The following IL1RAPL2 variants were observed in gnomAD, a reference collection of about 807,000 sequenced individuals.
The protein encoded by IL1RAPL2 is interleukin 1 receptor accessory protein like 2.
In IL1RAPL2, 3 loss-of-function variants were observed where a neutral mutation model predicts 44.1. That is an observed-to-expected ratio of 0.07 (90% CI 0.03 to 0.18). IL1RAPL2 has a LOEUF of 0.18. Among genes scored for constraint, IL1RAPL2 ranks in the 10% least tolerant of loss-of-function variants. The pLI, the probability that IL1RAPL2 is intolerant of heterozygous loss-of-function variation, is 1.00. For synonymous variants in IL1RAPL2, 181 were observed against 178.8 expected, an observed-to-expected ratio of 1.01 and a Z score of -0.10; for missense variants, 391 against 496.4, an observed-to-expected ratio of 0.79 and a Z score of 2.02.
rs2035972912 is a variant in IL1RAPL2, at chrX:105,447,366, TA to T, written c.698-36946del. Among the ~76,000 whole-genome samples, 293 of 65,817 alleles carry T rather than the reference TA, an allele frequency of 4.5e-3. 4 individuals are homozygous for T. The highest frequency in any genetic ancestry group is 0.018 in the African/African-American group (273 of 15,016). The allele number at this position is 65,817 out of a possible 115,157, so 57.2% of individuals were successfully genotyped here. On this transcript the variant is annotated intron_variant, in intron 5 of 10. Transcript: ENST00000372582. ...ATATATAAATATATAAATATATAAA[TA>T]TAAATATATAAATATATAAATATAA... is the stretch of plus-strand genomic sequence containing the variant.
At chrX:104,968,777 G>A (rs2030174816) in intron 2 of IL1RAPL2, among the ~76,000 whole-genome samples, 1 of 110,980 alleles carries the variant, frequency 9.0e-6, no homozygotes, top group South Asian at 3.7e-4. Flanking sequence ...AAGATACCTA[G>A]AAATAAATCT....
At chrX:104,791,911 A>AT (rs1029924584) in intron 2 of IL1RAPL2, among the ~76,000 whole-genome samples, 1 of 110,495 alleles carries the variant, frequency 9.1e-6, no homozygotes, top group African/African-American at 3.3e-5. Flanking sequence ...GACCACTCTT[A>AT]TTTTTTATTT....
intron 5 of IL1RAPL2, among the ~76,000 whole-genome samples, chrX:105,306,980 C>T (rs767201923): frequency 2.2e-4 from 24 of 111,180 alleles, no homozygotes; most frequent in South Asian, 3.8e-4. Context: ...ATGTCAGAAG[C>T]GGAAGCAGGC....
At chrX:104,731,210 C>G (rs1230287185) in intron 2 of IL1RAPL2, among the ~76,000 whole-genome samples, 9 of 109,540 alleles carry the variant, frequency 8.2e-5, no homozygotes, top group Non-Finnish European at 1.5e-4. Flanking sequence ...TGTGCAGAAG[C>G]TCTTTAGTTT....
At chrX:105,338,760 T>A (rs1212231662) in intron 5 of IL1RAPL2, among the ~76,000 whole-genome samples, 2 of 111,329 alleles carry the variant, frequency 1.8e-5, no homozygotes, top group Non-Finnish European at 3.8e-5. Context: ...CACCACCTCC[T>A]CCTACAACTG....
chrX:105,090,406 A>G (rs1208189450), intron 2 of IL1RAPL2, among the ~76,000 whole-genome samples: 2 of 112,102 alleles, frequency 1.8e-5, no homozygotes, highest in Non-Finnish European at 3.8e-5. Flanking sequence ...TACAGTTCAA[A>G]CCCATGTTTT....
intron 10 of IL1RAPL2, among the ~76,000 whole-genome samples, chrX:105,758,230 C>T (rs1206871245): frequency 9.0e-6 from 1 of 111,530 alleles, no homozygotes; most frequent in Non-Finnish European, 1.9e-5. Context: ...CATTCTTGAT[C>T]CACAACAATA....
Position 104,625,026 on chromosome X carries a change from A to C in IL1RAPL2, c.-19-33869A>C. On this transcript the variant is annotated intron_variant, in intron 1 of 10. Coordinates refer to ENST00000372582, the MANE Select transcript of IL1RAPL2 (RefSeq NM_017416.2). ...ATTGAATATTTGAAAATAAGCAGGC[A>C]TTACTCTTGTGTTTAAAATCTATTG... 2.7e-5 allele frequency among the ~76,000 whole-genome samples: 3 copies of C among 112,066 alleles called. No individual in the cohort carries two copies. The South Asian group carries it at 1.1e-3, about 42-fold the overall frequency.
chrX:104,725,906 A>G (rs938754289), intron 2 of IL1RAPL2, among the ~76,000 whole-genome samples: 1 of 111,341 alleles, frequency 9.0e-6, no homozygotes, highest in African/African-American at 3.3e-5. Context: ...CCATTTGTCA[A>G]TTTTGGGTTT....
intron 2 of IL1RAPL2, among the ~76,000 whole-genome samples, chrX:104,726,705 T>A (rs1348362464): frequency 4.5e-5 from 5 of 111,400 alleles, no homozygotes; most frequent in African/African-American, 1.6e-4. Flanking sequence ...TGTATAGGAA[T>A]GCTTATGATT....
At chrX:105,018,899 C>A (rs2031235085) in intron 2 of IL1RAPL2, among the ~76,000 whole-genome samples, 1 of 111,510 alleles carries the variant, frequency 9.0e-6, no homozygotes, top group African/African-American at 3.3e-5. Context: ...TGATCTCTTA[C>A]ATTCCCTATG....
intron 2 of IL1RAPL2, among the ~76,000 whole-genome samples, chrX:105,193,691 G>A (rs1367921939): frequency 9.0e-6 from 1 of 111,694 alleles, no homozygotes; most frequent in Non-Finnish European, 1.9e-5. Context: ...AAAGACTCCT[G>A]AGAGACAACC....
At chrX:104,892,257 T>C (rs771803910) in intron 2 of IL1RAPL2, among the ~76,000 whole-genome samples, 2 of 111,831 alleles carry the variant, frequency 1.8e-5, no homozygotes, top group African/African-American at 6.5e-5. Flanking sequence ...TAAAATTCTC[T>C]TTTTTTGTTG....
At chrX:104,900,642 G>A (rs1225255564) in intron 2 of IL1RAPL2, among the ~76,000 whole-genome samples, 1 of 112,249 alleles carries the variant, frequency 8.9e-6, no homozygotes, top group Non-Finnish European at 1.9e-5. Context: ...ATCTTTCTTG[G>A]AATAAAAGGC....
rs772573698 is a variant in IL1RAPL2, at chrX:105,388,356, AT to A, written c.698-95928del. ...CAAACCAAATATTTTACCAAAGCAG[AT>A]TTTTTTTTTTTTTTTTTTTTTTTTT... On this transcript the variant is annotated intron_variant, in intron 5 of 10. Coordinates refer to ENST00000372582, the MANE Select transcript of IL1RAPL2 (RefSeq NM_017416.2). Among the ~76,000 whole-genome samples the A allele has an allele frequency of 2.7e-3, 168 of 61,253 alleles. 1 individual carries two copies. The highest frequency in any genetic ancestry group is 7.7e-3 in the Middle Eastern group (1 of 130). 53.2% of individuals were successfully genotyped at this position (61,253 alleles called of 115,157 possible).
At chrX:105,471,537 C>T (rs1490129925) in intron 5 of IL1RAPL2, among the ~76,000 whole-genome samples, 3 of 110,763 alleles carry the variant, frequency 2.7e-5, no homozygotes, top group Non-Finnish European at 5.7e-5. Context: ...GGAGCTTCTG[C>T]TGTCCCAGGA....
chrX:105,637,875 CTAAATT>C (rs1450767048), intron 6 of IL1RAPL2, among the ~76,000 whole-genome samples: 2 of 110,367 alleles, frequency 1.8e-5, no homozygotes, highest in Admixed American at 1.9e-4. Context: ...AAATCAAAAA[CTAAATT>C]TAAATTTTAC....
At chrX:105,432,020 A>G (rs1383057687) in intron 5 of IL1RAPL2, among the ~76,000 whole-genome samples, 1 of 109,170 alleles carries the variant, frequency 9.2e-6, no homozygotes, top group African/African-American at 3.3e-5. Context: ...TTTATCAACT[A>G]TTGACAAGCT....
chrX:104,930,853 C>T (rs113725206), intron 2 of IL1RAPL2, among the ~76,000 whole-genome samples: 69 of 111,331 alleles, frequency 6.2e-4, no homozygotes, highest in Non-Finnish European at 1.2e-3. Flanking sequence ...GATGAAGAAA[C>T]TGAGTGAGGC....
Sources: allele counts gnomAD v4.1 joint callset (sites outside exome capture counted in the v4.1 genomes callset), GRCh38; gene constraint gnomAD v4.1.1; transcripts MANE v1.5; gene names NCBI Gene and HGNC (gene_info 2026-07-23, HGNC 2026-07-21).